PUDP: variants seen among roughly 807,000 people sequenced by gnomAD.
PUDP encodes the protein pseudouridine 5'-phosphatase, also known as pseudouridine-5'-phosphatase.
PUDP carries 8 observed loss-of-function variants against 9.4 expected under a neutral mutation model. That is an observed-to-expected ratio of 0.85 (90% CI 0.50 to 1.53). The LOEUF (loss-of-function observed/expected upper bound fraction) is 1.53, where lower values mean the gene tolerates loss of function less well. PUDP is among the 40% of genes most tolerant of loss of function. The pLI, the probability that PUDP is intolerant of heterozygous loss-of-function variation, is 0.00. For missense variants in PUDP, 188 were observed against 189.7 expected (o/e 0.99, Z 0.05); for synonymous variants, 99 against 80.7 (o/e 1.23, Z -1.22).
At chrX:7,056,198 G>C (rs776902980) in intron 3 of PUDP, among the ~76,000 whole-genome samples, 1 of 112,771 alleles carries the variant, frequency 8.9e-6, no homozygotes, top group Non-Finnish European at 1.9e-5. Flanking sequence ...CAAGTGGGGA[G>C]TGGAGGCAGA....
At chrX:7,060,608 A>G (rs1021853247) in intron 3 of PUDP, among the ~76,000 whole-genome samples, 2 of 112,280 alleles carry the variant, frequency 1.8e-5, no homozygotes, top group East Asian at 2.8e-4. Context: ...GAGCAAATCG[A>G]TGAAGGTCCC....
At chrX:7,144,227 C>T (rs748157152) in intron 1 of PUDP, among the ~76,000 whole-genome samples, 2 of 111,951 alleles carry the variant, frequency 1.8e-5, no homozygotes, top group Non-Finnish European at 3.8e-5. Context: ...TAGTAAGAAC[C>T]GACTGAGGCT....
At chrX:7,129,492 T>C (rs749999250) in intron 1 of PUDP, among the ~76,000 whole-genome samples, 6 of 111,752 alleles carry the variant, frequency 5.4e-5, no homozygotes, top group East Asian at 2.8e-4. Flanking sequence ...GAGGACATGT[T>C]GTAGAGCCCA....
intron 3 of PUDP, among the ~76,000 whole-genome samples, chrX:6,803,060 TATAAAATAAA>T (rs374121914): frequency 7.6e-4 from 6 of 7,924 alleles, no homozygotes; most frequent in East Asian, 0.017. Context: ...TAAAATAAAA[TATAAAATAAA>T]ATAAAATAAA....
intron 1 of PUDP, among the ~76,000 whole-genome samples, chrX:6,713,939 C>G (rs1322081442): frequency 9.0e-6 from 1 of 110,944 alleles, no homozygotes; most frequent in African/African-American, 3.3e-5. Context: ...GCTCTGTCAC[C>G]CAGGATCGAG....
At chrX:6,783,892 G>A (rs539151076) in intron 3 of PUDP, among the ~76,000 whole-genome samples, 6 of 111,691 alleles carry the variant, frequency 5.4e-5, no homozygotes, top group African/African-American at 1.3e-4. Context: ...AGAATGAAGC[G>A]TGCCAGTGTC....
intron 3 of PUDP, among the ~76,000 whole-genome samples, chrX:6,750,821 A>G (rs1338025533): frequency 8.9e-6 from 1 of 111,785 alleles, no homozygotes; most frequent in African/African-American, 3.3e-5. Flanking sequence ...CACTATCAAG[A>G]ATATCCAGGA....
At chrX:6,845,863 T>C (rs963341739) in intron 3 of PUDP, among the ~76,000 whole-genome samples, 1 of 111,859 alleles carries the variant, frequency 8.9e-6, no homozygotes, top group Non-Finnish European at 1.9e-5. Context: ...GGGGTGCCTT[T>C]TAGGATGTTG....
At chrX:6,717,984 T>G (rs1450394540) in intron 1 of PUDP, among the ~76,000 whole-genome samples, 1 of 112,238 alleles carries the variant, frequency 8.9e-6, no homozygotes, top group Non-Finnish European at 1.9e-5. Context: ...ACATGTTTAT[T>G]GGTCATTTGT....
chrX:6,764,432 A>G, intron 3 of PUDP, among the ~76,000 whole-genome samples: 1 of 111,698 alleles, frequency 9.0e-6, no homozygotes, highest in Non-Finnish European at 1.9e-5. Context: ...CCATCTTTCT[A>G]TTGTGGGAAT....
intron 3 of PUDP, among the ~76,000 whole-genome samples, chrX:6,819,883 T>C (rs142684325): frequency 0.02 from 2,217 of 111,598 alleles, 54 homozygotes; most frequent in African/African-American, 0.069. Context: ...TAATTGTATT[T>C]TGTATTTTTA....
rs746758962 is a variant in PUDP at position 7,115,526 on chromosome X, T to A, written c.62-9688A>T. Among the ~76,000 whole-genome samples the A allele has an allele frequency of 4.4e-5, 5 of 112,656 alleles. No homozygotes were observed. In the South Asian group the frequency reaches 1.5e-3, roughly 33 times the overall value. Reference sequence around the variant, plus strand: ...TAAGTAGCACAGCAATCCTAAAAACTGAGCTTTGAACTACATAAGCTAGGA... The same window carrying A: ...TAAGTAGCACAGCAATCCTAAAAACAGAGCTTTGAACTACATAAGCTAGGA... On this transcript the variant is annotated intron_variant, in intron 1 of 3. Transcript: ENST00000381077.
chrX:6,999,833 G>A lies in PUDP; in HGVS notation c.205-21490C>T, dbSNP rs188302965. ...AAAAATTAAAAAAAAAACCCTCAAC[G>A]GTCAAAAAAGAAACTGTAATGGAAA... is the stretch of plus-strand genomic sequence containing the variant. On this transcript the variant is annotated intron_variant and NMD_transcript_variant, in intron 1 of 3. Coordinates refer to the PUDP transcript ENST00000655425. Among the ~76,000 whole-genome samples the A allele has an allele frequency of 8.8e-3, 947 of 107,712 alleles. 2 individuals are homozygous for A. Among genetic ancestry groups the A allele is most frequent in the African/African-American group, 0.03 (899 of 29,858 alleles). 93.5% of individuals were successfully genotyped at this position (107,712 alleles called of 115,157 possible).
At chrX:6,893,615 A>G (rs1267989233) in intron 3 of PUDP, among the ~76,000 whole-genome samples, 1 of 111,898 alleles carries the variant, frequency 8.9e-6, no homozygotes. Context: ...TGCTATGAAG[A>G]TGATTCCCTA....
chrX:6,823,028 G>GT (rs1234297577), intron 3 of PUDP, among the ~76,000 whole-genome samples: 1 of 111,409 alleles, frequency 9.0e-6, no homozygotes, highest in Non-Finnish European at 1.9e-5. Flanking sequence ...GGAAGAAAAG[G>GT]TATTTCTTTT....
chrX:6,859,039 A>G (rs1222333455), intron 3 of PUDP, among the ~76,000 whole-genome samples: 1 of 111,435 alleles, frequency 9.0e-6, no homozygotes, highest in African/African-American at 3.3e-5. Context: ...GACAGTGAAT[A>G]CGTCTCAGGA....
chrX:6,946,137 G>A (rs1000917788), intron 3 of PUDP, among the ~76,000 whole-genome samples: 3 of 111,233 alleles, frequency 2.7e-5, no homozygotes, highest in African/African-American at 9.8e-5. Context: ...GTTCTGGCTC[G>A]TCTATGGAGA....
intron 3 of PUDP, among the ~76,000 whole-genome samples, chrX:6,966,944 G>A (rs1351218628): frequency 8.9e-6 from 1 of 111,889 alleles, no homozygotes; most frequent in African/African-American, 3.3e-5. Context: ...CTCCCACAGC[G>A]TGGCTGAGGG....
chrX:6,884,381 T>C (rs1927392712), intron 3 of PUDP, among the ~76,000 whole-genome samples: 1 of 110,547 alleles, frequency 9.0e-6, no homozygotes, highest in African/African-American at 3.3e-5. Flanking sequence ...GCCCATAGAG[T>C]GTTTCCAAGG....
Sources: allele counts gnomAD v4.1 joint callset (sites outside exome capture counted in the v4.1 genomes callset), GRCh38; gene constraint gnomAD v4.1.1; transcripts MANE v1.5; gene names NCBI Gene and HGNC (gene_info 2026-07-23, HGNC 2026-07-21).